NME9: variants seen among roughly 807,000 people sequenced by gnomAD.
The protein encoded by NME9 is NME/NM23 family member 9.
NME9 carries 48 observed loss-of-function variants against 44.4 expected under a neutral mutation model. The observed-to-expected ratio is 1.08, with a 90% CI of 0.86 to 1.37. The LOEUF is 1.37. Ranked by LOEUF, NME9 falls within the 40% of genes most tolerant of loss-of-function variation. The pLI, the probability that NME9 is intolerant of heterozygous loss-of-function variation, is 0.00. For synonymous variants in NME9, 139 were observed against 147.1 expected (o/e 0.94, Z 0.40); for missense variants, 325 against 405.2 (o/e 0.80, Z 1.70).
intron 4 of NME9, among the ~76,000 whole-genome samples, chr3:138,316,898 A>T (rs1005529710): frequency 4.6e-5 from 7 of 152,182 alleles, no homozygotes; most frequent in Non-Finnish European, 8.8e-5. Context: ...TACAGGTGTG[A>T]GCCACTGCAC....
intron 2 of NME9, among the ~76,000 whole-genome samples, chr3:138,320,446 C>T (rs1011364467): frequency 2.0e-5 from 3 of 152,234 alleles, no homozygotes; most frequent in Admixed American, 6.5e-5. Context: ...AGTATAGTCA[C>T]AGGGAGATAG....
chr3:138,274,628 C>T, intron 8 of NME9: 2 of 985,208 alleles, frequency 2.0e-6, no homozygotes, highest in Non-Finnish European at 1.6e-6. Flanking sequence ...ATATTCAAAT[C>T]TGCAGAAGAC....
intron 6 of NME9, among the ~76,000 whole-genome samples, chr3:138,308,949 A>G (rs866760100): frequency 0.014 from 2,038 of 141,582 alleles, 26 homozygotes; most frequent in African/African-American, 0.051. Flanking sequence ...CTGAAAGAAA[A>G]AAAAAAAAAA....
chr3:138,325,468 A>G (rs1233556164), intron 1 of NME9, among the ~76,000 whole-genome samples: 2 of 151,788 alleles, frequency 1.3e-5, no homozygotes, highest in Admixed American at 1.3e-4. Flanking sequence ...CAGAAGCGCA[A>G]TCTCAGCTCA....
intron 10 of NME9, among the ~76,000 whole-genome samples, chr3:138,302,123 C>T (rs1030644189): frequency 7.9e-5 from 12 of 152,270 alleles, no homozygotes; most frequent in African/African-American, 1.4e-4. Context: ...ACCTTGACTC[C>T]TGCCTTTTTT....
intron 8 of NME9, among the ~76,000 whole-genome samples, chr3:138,272,469 G>A (rs2048885947): frequency 6.6e-6 from 1 of 151,784 alleles, no homozygotes; most frequent in African/African-American, 2.4e-5. Context: ...GTATATCTAA[G>A]AGTAACAGTT....
At chr3:138,269,968 A>G in intron 8 of NME9, 2 of 969,314 alleles carry the variant, frequency 2.1e-6, no homozygotes, top group Non-Finnish European at 3.2e-6. Flanking sequence ...ACAAAGTGCC[A>G]AGGTATATGC....
Position 138,295,288 on chromosome 3 carries a change from C to T in NME9, c.745+8219G>A, listed in dbSNP as rs532437299. Among the ~76,000 whole-genome samples the T allele has an allele frequency of 5.3e-5, 8 of 152,300 alleles. No homozygotes were observed. In the East Asian group the frequency reaches 9.6e-4, roughly 18 times the overall value. On this transcript the variant is annotated intron_variant, in intron 8 of 8. Coordinates refer to the NME9 transcript ENST00000317876. ...TCACATTGATCAGTTATGGTGTCAT[C>T]AGGTGTGATGAGAAGAACAAGATGA...
At chr3:138,314,932 T>C (rs1352981279) in intron 5 of NME9, among the ~76,000 whole-genome samples, 1 of 152,238 alleles carries the variant, frequency 6.6e-6, no homozygotes, top group Non-Finnish European at 1.5e-5. Context: ...GAGTCACATT[T>C]GCCAGATGCT....
intron 6 of NME9, among the ~76,000 whole-genome samples, chr3:138,312,390 A>C (rs1337667475): frequency 6.6e-6 from 1 of 152,180 alleles, no homozygotes; most frequent in Non-Finnish European, 1.5e-5. Flanking sequence ...TATAGTGACC[A>C]AAACAGCAAA....
chr3:138,323,069 C>T (rs980416137), intron 2 of NME9, among the ~76,000 whole-genome samples: 1 of 152,174 alleles, frequency 6.6e-6, no homozygotes, highest in South Asian at 2.1e-4. Flanking sequence ...CAGCATTTAT[C>T]TAGTACCCTC....
intron 8 of NME9, among the ~76,000 whole-genome samples, chr3:138,264,910 T>A (rs74389156): frequency 6.7e-6 from 1 of 150,008 alleles, no homozygotes; most frequent in Non-Finnish European, 1.5e-5. Flanking sequence ...TTTTTTTTTT[T>A]AAATAGACAC....
downstream of NME9, among the ~76,000 whole-genome samples, chr3:138,299,242 A>C (rs2051718493): frequency 6.6e-6 from 1 of 152,052 alleles, no homozygotes; most frequent in Non-Finnish European, 1.5e-5. Context: ...AGGGCCACTG[A>C]GTGGACTACT....
chr3:138,307,700 A>T (rs910702880), intron 6 of NME9, among the ~76,000 whole-genome samples: 2 of 152,198 alleles, frequency 1.3e-5, no homozygotes, highest in Admixed American at 6.5e-5. Context: ...AGACCAAAGC[A>T]GGGGCCTGGG....
chr3:138,270,314 G>A (rs75963370), intron 8 of NME9, among the ~76,000 whole-genome samples: 8,302 of 152,274 alleles, frequency 0.055, 228 homozygotes, highest in South Asian at 0.1. Flanking sequence ...AGATTTAACT[G>A]TAAGCAAGTT....
chr3:138,324,817 A>T, intron 2 of NME9, 56 bp downstream of exon 2: 1 of 1,354,190 alleles, frequency 7.4e-7, no homozygotes, highest in African/African-American at 1.4e-5. Flanking sequence ...GGTTCATCAC[A>T]CCATTTAATA....
In NME9 at chr3:138,289,933, C is replaced by T. The variant is rs890804469; in HGVS notation, c.745+13574G>A. On this transcript the variant is annotated intron_variant, in intron 8 of 8. Transcript: ENST00000317876. ...CCAGGGGATTACTCAGCAGCAGCGC[C>T]CAAAACAAAGTGCAAGAAGGGAAAC... 4.2e-4 allele frequency among the ~76,000 whole-genome samples: 64 copies of T among 152,194 alleles called. 1 individual carries two copies. The highest frequency in any genetic ancestry group is 6.8e-4 in the Non-Finnish European group (46 of 68,014).
At chr3:138,263,819 C>G in intron 8 of NME9, 1 of 1,613,576 alleles carries the variant, frequency 6.2e-7, no homozygotes, top group East Asian at 2.2e-5. Context: ...TAGCTGCCGT[C>G]AGGTATGAGC....
chr3:138,313,791 T>C (rs2052869890), intron 6 of NME9, among the ~76,000 whole-genome samples: 1 of 152,150 alleles, frequency 6.6e-6, no homozygotes, highest in Admixed American at 6.5e-5. Context: ...TTATGTTAAG[T>C]GAAATAAGCC....
Sources: allele counts gnomAD v4.1 joint callset (sites outside exome capture counted in the v4.1 genomes callset), GRCh38; gene constraint gnomAD v4.1.1; transcripts MANE v1.5; gene names NCBI Gene and HGNC (gene_info 2026-07-23, HGNC 2026-07-21).